KCNH1: variants seen among roughly 807,000 people sequenced by gnomAD.
KCNH1 encodes voltage-gated delayed rectifier potassium channel KCNH1.
Under a neutral mutation model 69.2 loss-of-function variants are expected in KCNH1, and 27 were observed. The observed-to-expected ratio is 0.39, with a 90% CI of 0.29 to 0.54. The LOEUF is 0.54. Among genes scored for constraint, KCNH1 ranks in the 20% least tolerant of loss-of-function variants. KCNH1 has a pLI of 0.68. For synonymous variants in KCNH1, 456 were observed against 487.7 expected, an observed-to-expected ratio of 0.93 and a Z score of 0.86; for missense variants, 798 against 1,261.6, an observed-to-expected ratio of 0.63 and a Z score of 5.57.
In KCNH1 at chr1:211,086,000, C is replaced by G. The variant is rs150537926; in HGVS notation, c.440-3102G>C. ...ACCTGCTCCTTGTATTGAACCCCCA[C>G]TTGCTTTAGGCAGGCATATATTAGA... On this transcript the variant is annotated intron_variant, in intron 4 of 10. Transcript: ENST00000271751. Among the ~76,000 whole-genome samples, 67 of 152,298 alleles carry G rather than the reference C, an allele frequency of 4.4e-4. 1 individual carries two copies. The East Asian group carries it at 9.5e-3, about 22-fold the overall frequency.
chr1:210,977,273 A>T (rs936199963), intron 6 of KCNH1, among the ~76,000 whole-genome samples: 1 of 152,140 alleles, frequency 6.6e-6, no homozygotes, highest in African/African-American at 2.4e-5. Context: ...GAAGGGGAAC[A>T]TCACACACTG....
chr1:210,924,041 G>C (rs1041079712), intron 6 of KCNH1, among the ~76,000 whole-genome samples: 1 of 152,174 alleles, frequency 6.6e-6, no homozygotes, highest in African/African-American at 2.4e-5. Flanking sequence ...CAGATACAGG[G>C]ACTGGAGTGA....
At chr1:211,041,835 A>C (rs1690001475) in intron 5 of KCNH1, among the ~76,000 whole-genome samples, 1 of 151,918 alleles carries the variant, frequency 6.6e-6, no homozygotes. Context: ...GCTCACTGCA[A>C]CCTCTGCCTC....
intron 6 of KCNH1, among the ~76,000 whole-genome samples, chr1:210,935,146 AC>A (rs1687754631): frequency 1.3e-5 from 2 of 148,968 alleles, no homozygotes; most frequent in Admixed American, 1.4e-4. Context: ...ACACACACAC[AC>A]ACACACACAC....
rs200441753 is a variant in KCNH1, at chr1:210,934,103, AT to A, written c.1033-14035del. ...ATTACTGTAAGAAAACATAGGGAAA[AT>A]GCTTCAGGACATTAGTCTGGGAAAA... On this transcript the variant is annotated intron_variant, in intron 6 of 10. Coordinates refer to ENST00000271751, the MANE Select transcript of KCNH1 (RefSeq NM_172362.3). 1.3e-3 allele frequency among the ~76,000 whole-genome samples: 192 copies of A among 152,314 alleles called. 4 individuals are homozygous for A. The East Asian group carries it at 0.034, about 27-fold the overall frequency.
intron 6 of KCNH1, among the ~76,000 whole-genome samples, chr1:210,955,119 T>A (rs1408030772): frequency 6.6e-6 from 1 of 152,246 alleles, no homozygotes; most frequent in Non-Finnish European, 1.5e-5. Flanking sequence ...TTTCTACATA[T>A]GGCTAGCCAG....
At chr1:210,978,599 G>A (rs1688657339) in intron 6 of KCNH1, among the ~76,000 whole-genome samples, 1 of 152,122 alleles carries the variant, frequency 6.6e-6, no homozygotes, top group South Asian at 2.1e-4. Context: ...GGTTATTGTT[G>A]TTTAATAACT....
At chr1:210,794,194 CTT>C (rs909142276) in intron 9 of KCNH1, among the ~76,000 whole-genome samples, 2 of 152,220 alleles carry the variant, frequency 1.3e-5, no homozygotes, top group African/African-American at 2.4e-5. Flanking sequence ...CTTAGAATCA[CTT>C]ATGCCTCTTT....
At chr1:211,052,959 C>A (rs147959154) in intron 5 of KCNH1, among the ~76,000 whole-genome samples, 4 of 152,158 alleles carry the variant, frequency 2.6e-5, no homozygotes, top group Non-Finnish European at 4.4e-5. Context: ...CTCTCAGGCA[C>A]GTAAGGAAAG....
chr1:210,955,312 G>A (rs907845030), intron 6 of KCNH1, among the ~76,000 whole-genome samples: 2 of 152,168 alleles, frequency 1.3e-5, no homozygotes, highest in African/African-American at 4.8e-5. Context: ...TAGCCTTGTA[G>A]TGTAGTTTGA....
At chr1:210,913,161 C>CT (rs969418498) in intron 7 of KCNH1, among the ~76,000 whole-genome samples, 33 of 152,172 alleles carry the variant, frequency 2.2e-4, no homozygotes, top group African/African-American at 6.5e-4. Flanking sequence ...GTAGGCAGAA[C>CT]TTTTTTAAAA....
intron 7 of KCNH1, among the ~76,000 whole-genome samples, chr1:210,871,091 A>G (rs1000346522): frequency 6.6e-6 from 1 of 152,210 alleles, no homozygotes; most frequent in Non-Finnish European, 1.5e-5. Context: ...CAGCAAAAGA[A>G]ACTACCATCA....
intron 7 of KCNH1, chr1:210,858,482 A>T (rs890243726): frequency 5.3e-5 from 8 of 152,180 alleles, no homozygotes; most frequent in Non-Finnish European, 1.2e-4. Flanking sequence ...ACTCCATTAC[A>T]TCTTTTTATA....
intron 5 of KCNH1, among the ~76,000 whole-genome samples, chr1:211,050,094 G>A (rs1463718792): frequency 6.6e-6 from 1 of 151,896 alleles, no homozygotes; most frequent in South Asian, 2.1e-4. Context: ...CCCTCTGAGG[G>A]TGATAAGAAA....
Position 210,846,668 on chromosome 1 carries a change from G to A in KCNH1, c.1463-42502C>T, listed in dbSNP as rs577411668. On this transcript the variant is annotated intron_variant, in intron 7 of 10. Transcript: ENST00000271751. ...GCATTACCATTCAGGACATAGGCAC[G>A]GGCAAGGACTTCATGTCTAAAACAC... 1.8e-4 allele frequency among the ~76,000 whole-genome samples: 27 copies of A among 152,236 alleles called. No individual in the cohort carries two copies. In the East Asian group the frequency reaches 3.9e-3, roughly 22 times the overall value.
chr1:211,093,948 C>T (rs2102475910), intron 3 of KCNH1, among the ~76,000 whole-genome samples: 1 of 152,250 alleles, frequency 6.6e-6, no homozygotes, highest in African/African-American at 2.4e-5. Context: ...TCCAGTACTA[C>T]CTGTGACTTG....
At chr1:210,817,858 A>G (rs1307612195) in intron 7 of KCNH1, among the ~76,000 whole-genome samples, 1 of 152,180 alleles carries the variant, frequency 6.6e-6, no homozygotes, top group East Asian at 1.9e-4. Flanking sequence ...CAGCCTCAGC[A>G]GCATTGACAT....
intron 5 of KCNH1, among the ~76,000 whole-genome samples, chr1:211,024,278 A>G (rs1415939358): frequency 1.3e-5 from 2 of 152,216 alleles, no homozygotes; most frequent in African/African-American, 2.4e-5. Context: ...ATATGACTTG[A>G]GTAAGAGAGG....
chr1:211,092,426 T>C (rs571274116), intron 3 of KCNH1, among the ~76,000 whole-genome samples: 10 of 152,354 alleles, frequency 6.6e-5, no homozygotes, highest in African/African-American at 2.4e-4. Flanking sequence ...CGGAAATGTG[T>C]TCTCCTTAAA....
Sources: gnomAD v4.1 joint callset for allele counts (sites outside exome capture counted in the v4.1 genomes callset) on GRCh38, gnomAD v4.1.1 for gene constraint, MANE v1.5 for transcripts, NCBI Gene and HGNC (gene_info 2026-07-23, HGNC 2026-07-21) for gene names.